The following RASSF3 variants were observed in gnomAD, a reference collection of about 807,000 sequenced individuals.
The protein encoded by RASSF3 is Ras association domain family member 3.
In RASSF3, 19 loss-of-function variants were observed where a neutral mutation model predicts 19.9. The ratio of observed to expected loss-of-function variants is 0.96; its 90% CI spans 0.67 to 1.40. The LOEUF (loss-of-function observed/expected upper bound fraction) is 1.40. Ranked by LOEUF, RASSF3 falls within the 40% of genes most tolerant of loss-of-function variation. The pLI is 0.00. For missense variants in RASSF3, 306 were observed against 289.8 expected, an observed-to-expected ratio of 1.06 and a Z score of -0.41; for synonymous variants, 110 against 104.2, an observed-to-expected ratio of 1.06 and a Z score of -0.34.
chr12:64,636,241 C>G (rs1871327345), intron 1 of RASSF3, among the ~76,000 whole-genome samples: 1 of 151,972 alleles, frequency 6.6e-6, no homozygotes, highest in Admixed American at 6.6e-5. Context: ...CTCAGCCTCC[C>G]AAGGCTCCCA....
intron 1 of RASSF3, among the ~76,000 whole-genome samples, chr12:64,656,331 G>A (rs1872157623): frequency 6.6e-6 from 1 of 152,114 alleles, no homozygotes; most frequent in Non-Finnish European, 1.5e-5. Context: ...CTACTAGTGG[G>A]CCTGGGGTTT....
intron 2 of RASSF3, among the ~76,000 whole-genome samples, chr12:64,584,534 G>A (rs1011654170): frequency 2.9e-5 from 4 of 137,522 alleles, no homozygotes; most frequent in African/African-American, 5.3e-5. Context: ...GCTAAAGAAA[G>A]TCAGTGCTCT....
chr12:64,575,977 C>G (rs1005586445), intron 2 of RASSF3, among the ~76,000 whole-genome samples: 1 of 151,756 alleles, frequency 6.6e-6, no homozygotes, highest in African/African-American at 2.4e-5. Flanking sequence ...ACAACCTCCC[C>G]CTCCCAGGTT....
At chr12:64,602,664 C>A (rs545478803) in intron 2 of RASSF3, among the ~76,000 whole-genome samples, 50 of 151,988 alleles carry the variant, frequency 3.3e-4, no homozygotes, top group African/African-American at 1.2e-3. Flanking sequence ...AGCTATACAC[C>A]ACGCTGAGCC....
At chr12:64,693,164 T>TTA (rs1287006731) in intron 4 of RASSF3, among the ~76,000 whole-genome samples, 2 of 150,006 alleles carry the variant, frequency 1.3e-5, no homozygotes, top group Admixed American at 6.7e-5. Flanking sequence ...TTTTTTTTTT[T>TTA]AAATAACCAG....
At chr12:64,657,035 A>T (rs1260833346) in intron 1 of RASSF3, among the ~76,000 whole-genome samples, 6 of 144,774 alleles carry the variant, frequency 4.1e-5, no homozygotes, top group Non-Finnish European at 9.0e-5. Context: ...TTTCAGACAG[A>T]GTCTTACTCT....
At chr12:64,510,223 T>G (rs1459377731) in intron 1 of RASSF3, among the ~76,000 whole-genome samples, 4 of 152,200 alleles carry the variant, frequency 2.6e-5, no homozygotes, top group African/African-American at 4.8e-5. Context: ...TTTAACATAG[T>G]GTTTTGTATG....
At chr12:64,540,311 G>T (rs1592394415) in intron 1 of RASSF3, among the ~76,000 whole-genome samples, 1 of 152,136 alleles carries the variant, frequency 6.6e-6, no homozygotes, top group African/African-American at 2.4e-5. Flanking sequence ...TAAAATTGTG[G>T]CAGCTCTTAT....
chr12:64,590,065 CA>C (rs10578124), intron 2 of RASSF3, among the ~76,000 whole-genome samples: 11,221 of 133,336 alleles, frequency 0.084, 484 homozygotes, highest in East Asian at 0.14. Context: ...ACTCTTATCT[CA>C]AAAAAAAAAA....
At chr12:64,528,038 C>T (rs115347277) in intron 1 of RASSF3, among the ~76,000 whole-genome samples, 7,869 of 152,252 alleles carry the variant, frequency 0.052, 557 homozygotes, top group East Asian at 0.22. Context: ...GCAGGAGAAC[C>T]ACTCGCATCC....
At chr12:64,588,043 G>A (rs1426178389) in intron 2 of RASSF3, among the ~76,000 whole-genome samples, 21 of 152,180 alleles carry the variant, frequency 1.4e-4, no homozygotes, top group Admixed American at 1.4e-3. Context: ...CTGAGAATAA[G>A]AAGGAATAAT....
intron 2 of RASSF3, among the ~76,000 whole-genome samples, chr12:64,547,301 C>T (rs1869081928): frequency 1.3e-5 from 2 of 148,976 alleles, no homozygotes; most frequent in Non-Finnish European, 3.0e-5. Flanking sequence ...GGCACGGTGA[C>T]TCACGCCTGT....
intron 1 of RASSF3, among the ~76,000 whole-genome samples, chr12:64,522,912 T>C (rs1316802383): frequency 1.3e-5 from 2 of 152,160 alleles, no homozygotes; most frequent in African/African-American, 4.8e-5. Context: ...TCCTCCGGGC[T>C]GCTGGGACCC....
intron 1 of RASSF3, among the ~76,000 whole-genome samples, chr12:64,643,475 T>G (rs945110152): frequency 1.3e-5 from 2 of 151,968 alleles, no homozygotes; most frequent in African/African-American, 4.8e-5. Flanking sequence ...AGTTTGGGGC[T>G]GTAGTATGGG....
chr12:64,589,320 C>G (rs983323057), intron 2 of RASSF3, among the ~76,000 whole-genome samples: 10 of 152,082 alleles, frequency 6.6e-5, no homozygotes, highest in Admixed American at 3.3e-4. Flanking sequence ...TGTGGTGGCA[C>G]ATGCCTGTAA....
chr12:64,580,575 AACACACACACAC>A (rs201737911), intron 2 of RASSF3, among the ~76,000 whole-genome samples: 54 of 141,406 alleles, frequency 3.8e-4, no homozygotes, highest in South Asian at 1.2e-3. Flanking sequence ...TTTTTAGGAA[AACACACACACAC>A]ACACACACAC....
chr12:64,540,797 G>T (rs950442214), intron 1 of RASSF3, among the ~76,000 whole-genome samples: 9 of 152,104 alleles, frequency 5.9e-5, no homozygotes, highest in African/African-American at 2.2e-4. Context: ...TTGGTGACAG[G>T]GTCTCAGTCT....
intron 1 of RASSF3, among the ~76,000 whole-genome samples, chr12:64,539,516 T>C (rs997803453): frequency 6.6e-6 from 1 of 152,118 alleles, no homozygotes; most frequent in Non-Finnish European, 1.5e-5. Flanking sequence ...GTGGCTTATA[T>C]CTGTAGTCCC....
At chr12:64,660,293 A>G (rs570720802) in intron 1 of RASSF3, among the ~76,000 whole-genome samples, 2 of 152,268 alleles carry the variant, frequency 1.3e-5, no homozygotes, top group Non-Finnish European at 2.9e-5. Context: ...AAAAGTAGAT[A>G]ATAATGGTAC....
Sources: allele counts gnomAD v4.1 joint callset (sites outside exome capture counted in the v4.1 genomes callset), GRCh38; gene constraint gnomAD v4.1.1; transcripts MANE v1.5; gene names NCBI Gene and HGNC (gene_info 2026-07-23, HGNC 2026-07-21).